The following CTNS variants were observed in gnomAD, a reference collection of about 807,000 sequenced individuals.
CTNS encodes the protein cystinosin, lysosomal cystine transporter, also known as cystinosin.
A neutral mutation model predicts 43.7 loss-of-function variants in CTNS; 27 were observed. The ratio of observed to expected loss-of-function variants is 0.62; its 90% confidence interval spans 0.46 to 0.85. The LOEUF is 0.85. CTNS is among the 40% of genes least tolerant of loss of function. CTNS has a pLI of 0.00. For missense variants in CTNS, 457 were observed against 475.4 expected, an observed-to-expected ratio of 0.96 and a Z score of 0.36; for synonymous variants, 187 against 190.6, an observed-to-expected ratio of 0.98 and a Z score of 0.16.
chr17:3,640,949 C>A (rs1174304114), intron 3 of CTNS, among the ~76,000 whole-genome samples: 1 of 152,054 alleles, frequency 6.6e-6, no homozygotes, highest in African/African-American at 2.4e-5. Context: ...GCCCTGTGGA[C>A]CTCACAGAGA....
intron 10 of CTNS, among the ~76,000 whole-genome samples, chr17:3,658,526 G>A (rs1260703820): frequency 6.6e-6 from 1 of 152,226 alleles, no homozygotes; most frequent in Non-Finnish European, 1.5e-5. Flanking sequence ...GAGAGGTGAG[G>A]TGGGAGGAGG....
In CTNS at chr17:3,662,360, T is replaced by C. The variant is rs2076289637; in HGVS notation, c.*1991T>C. On this transcript the variant is annotated 3_prime_UTR_variant, in exon 12 of 12. Transcript: ENST00000046640. ...TTTTCTTTAAAATCTGATTTGGCAG[T>C]GCTAGGTAGGTCCAGGAGTGCTAAC... 1.3e-5 allele frequency among the ~76,000 whole-genome samples: 2 copies of C among 151,898 alleles called. No homozygotes were observed. Among genetic ancestry groups the C allele is most frequent in the Admixed American group, 1.3e-4 (2 of 15,244 alleles).
At chr17:3,656,927 C>T in intron 9 of CTNS, 132 bp downstream of exon 9, 1 of 1,430,606 alleles carries the variant, frequency 7.0e-7, no homozygotes, top group Non-Finnish European at 9.5e-7. Flanking sequence ...CTGTGCTGGG[C>T]ATAGAAGACA....
In CTNS at chr17:3,636,847, G is replaced by C. The variant is rs2075540883; in HGVS notation, c.-230+16G>C. ...GGGCGCTCAGGTGAGAGCGGACGCG[G>C]CCTCCCCTGTTTCCCAGGCGGACCC... On this transcript the variant is annotated intron_variant, in intron 1 of 11. Coordinates refer to ENST00000046640, the MANE Select transcript of CTNS (RefSeq NM_004937.3). 1.3e-5 allele frequency: 2 copies of C among 152,452 alleles called. No individual in the cohort carries two copies. Among genetic ancestry groups the C allele is most frequent in the African/African-American group, 4.8e-5 (2 of 41,586 alleles). The allele number at this position is 152,452 out of a possible 1,614,324, so 9.4% of individuals were successfully genotyped here.
intron 3 of CTNS, among the ~76,000 whole-genome samples, chr17:3,641,085 TC>T (rs1206726034): frequency 6.6e-6 from 1 of 151,656 alleles, no homozygotes; most frequent in Non-Finnish European, 1.5e-5. Flanking sequence ...AGAAAACCTG[TC>T]CCTTAGAGAG....
At chr17:3,643,126 A>T (rs1040108560) in intron 3 of CTNS, among the ~76,000 whole-genome samples, 7 of 151,896 alleles carry the variant, frequency 4.6e-5, no homozygotes, top group African/African-American at 1.7e-4. Context: ...TATCCTGGCT[A>T]ACATGGTGAA....
At chr17:3,650,820 A>C (rs2075961708) in intron 5 of CTNS, among the ~76,000 whole-genome samples, 1 of 152,164 alleles carries the variant, frequency 6.6e-6, no homozygotes, top group African/African-American at 2.4e-5. Context: ...TTATTTGTTT[A>C]GAGACAGAGC....
At chr17:3,643,111 G>A (rs534946236) in intron 3 of CTNS, among the ~76,000 whole-genome samples, 2 of 151,856 alleles carry the variant, frequency 1.3e-5, no homozygotes, top group Admixed American at 1.3e-4. Context: ...TCAGGAGATC[G>A]AGACTATCCT....
intron 3 of CTNS, among the ~76,000 whole-genome samples, chr17:3,645,899 G>A (rs932192812): frequency 1.3e-5 from 2 of 150,260 alleles, no homozygotes; most frequent in South Asian, 4.2e-4. Context: ...CAACCCAAGC[G>A]TCTAAAATTT....
At position 3,660,745 on chromosome 17, in the gene CTNS, G is replaced by T. The variant is rs372236710; in HGVS notation, c.*376G>T. ...AGCTTGAAGGGCTGACCTTGCAGCCGGGTGAGCCAAGGGCACTTTGCTGCC... is the reference window on the plus strand; with the variant it reads ...AGCTTGAAGGGCTGACCTTGCAGCCTGGTGAGCCAAGGGCACTTTGCTGCC... On this transcript the variant is annotated 3_prime_UTR_variant, in exon 12 of 12. Transcript: ENST00000046640. 6.2e-7 allele frequency: 1 copy of T among 1,613,302 alleles called. No individual in the cohort carries two copies. Among genetic ancestry groups the T allele is most frequent in the Non-Finnish European group, 8.5e-7 (1 of 1,180,012 alleles).
Position 3,656,557 on chromosome 17 carries a change from A to T in CTNS, c.532A>T (p.Ile178Phe). 6.2e-7 allele frequency: 1 copy of T among 1,609,942 alleles called. No homozygotes were observed. Among genetic ancestry groups the T allele is most frequent in the East Asian group, 2.2e-5 (1 of 44,688 alleles). The change falls in exon 8 of 12, where the codon ATC becomes TTC. Residue 178 changes from isoleucine to phenylalanine, a missense_variant. By Grantham distance (21) the Ile-to-Phe change is conservative. Coordinates refer to ENST00000046640, the MANE Select transcript of CTNS (RefSeq NM_004937.3). ...TGFVAYSVFN[I>F]GLLWVPYIKE... ...CTTCGTGGCCTACAGTGTATTCAAC[A>T]TCGGCCTCCTCTGGGTGCCCTACAT...
rs564270467 is a variant in CTNS at position 3,661,455 on chromosome 17, G to A, written c.*1086G>A. 1 of 152,608 alleles carries A rather than the reference G, an allele frequency of 6.6e-6. No homozygotes were observed. The highest frequency in any genetic ancestry group is 2.1e-4 in the South Asian group (1 of 4,846). 9.5% of individuals were successfully genotyped at this position (152,608 alleles called of 1,614,324 possible). On this transcript the variant is annotated 3_prime_UTR_variant, in exon 12 of 12. Coordinates refer to ENST00000046640, the MANE Select transcript of CTNS (RefSeq NM_004937.3). Reference sequence around the variant, plus strand: ...CCAGGACGTGCCTCATACATGACTTGAGCTTGTCAGTCCACTGAGTTTCCT... The same window carrying A: ...CCAGGACGTGCCTCATACATGACTTAAGCTTGTCAGTCCACTGAGTTTCCT...
intron 5 of CTNS, among the ~76,000 whole-genome samples, chr17:3,654,680 CAAAAA>C (rs560988939): frequency 1.2e-5 from 1 of 82,518 alleles, no homozygotes; most frequent in Non-Finnish European, 2.2e-5. Flanking sequence ...GACTCCGTCT[CAAAAA>C]AAAAAAAAAA....
At chr17:3,638,520 G>A (rs1214071586) in intron 2 of CTNS, among the ~76,000 whole-genome samples, 1 of 151,434 alleles carries the variant, frequency 6.6e-6, no homozygotes, top group African/African-American at 2.5e-5. Context: ...TTACACACAC[G>A]AGCCACTGCG....
intron 5 of CTNS, among the ~76,000 whole-genome samples, chr17:3,653,007 C>A (rs2076023313): frequency 6.6e-6 from 1 of 152,212 alleles, no homozygotes; most frequent in African/African-American, 2.4e-5. Context: ...CGCCTGTAGT[C>A]CCAGCTACTC....
At position 3,660,545 on chromosome 17, in the gene CTNS, G is replaced by A. The variant is rs200021713; in HGVS notation, c.*176G>A. On this transcript the variant is annotated 3_prime_UTR_variant, in exon 12 of 12. Transcript: ENST00000046640. ...GCCATTCAATAGCCTGCCTTCGTCC[G>A]GGCCCCTCCTGGGCCTCCCCGGCCA... is the stretch of plus-strand genomic sequence containing the variant. 1.1e-4 allele frequency: 173 copies of A among 1,612,600 alleles called. No individual in the cohort carries two copies. The South Asian group carries it at 1.5e-3, about 14-fold the overall frequency.
intron 10 of CTNS, among the ~76,000 whole-genome samples, chr17:3,659,630 C>T (rs547175267): frequency 7.9e-5 from 12 of 152,316 alleles, no homozygotes; most frequent in Admixed American, 3.9e-4. Flanking sequence ...GTGGGGGGTG[C>T]GGGGCCTTTG....
chr17:3,657,952 C>T (rs939642390), intron 9 of CTNS, 53 bp from the exon 10 acceptor site: 1 of 1,597,386 alleles, frequency 6.3e-7, no homozygotes, highest in African/African-American at 1.3e-5. Context: ...CCTTGCTCAG[C>T]CCCGGCGTGG....
intron 3 of CTNS, among the ~76,000 whole-genome samples, chr17:3,646,296 T>C (rs531461334): frequency 0.012 from 1,809 of 149,526 alleles, 44 homozygotes; most frequent in African/African-American, 0.042. Flanking sequence ...TTCTTTCTTT[T>C]TTTTTTTTTT....
Sources: allele counts gnomAD v4.1 joint callset (sites outside exome capture counted in the v4.1 genomes callset), GRCh38; gene constraint gnomAD v4.1.1; transcripts MANE v1.5; gene names NCBI Gene and HGNC (gene_info 2026-07-23, HGNC 2026-07-21).